The following DPP10 variants were observed in gnomAD, a reference collection of about 807,000 sequenced individuals.
The protein encoded by DPP10 is dipeptidyl peptidase like 10, also known as inactive dipeptidyl peptidase 10.
In DPP10, 33 loss-of-function variants were observed where a neutral mutation model predicts 120.9. The ratio of observed to expected loss-of-function variants is 0.27; its 90% CI spans 0.21 to 0.37. DPP10 has a LOEUF of 0.37. DPP10 is among the 10% of genes least tolerant of loss of function. The probability of loss-of-function intolerance (pLI) is 1.00; values close to 1 mark genes in which losing one functional copy is unlikely to be tolerated. For synonymous variants in DPP10, 337 were observed against 326.1 expected, an observed-to-expected ratio of 1.03 and a Z score of -0.36; for missense variants, 816 against 942.8, an observed-to-expected ratio of 0.87 and a Z score of 1.76.
At chr2:114,931,997 G>A (rs752142798) in intron 1 of DPP10, among the ~76,000 whole-genome samples, 1 of 152,200 alleles carries the variant, frequency 6.6e-6, no homozygotes, top group Non-Finnish European at 1.5e-5. Flanking sequence ...CAACCTTAGA[G>A]TTCATCAGGA....
intron 1 of DPP10, among the ~76,000 whole-genome samples, chr2:114,986,938 AT>A (rs957126005): frequency 2.5e-4 from 38 of 151,364 alleles, no homozygotes; most frequent in African/African-American, 6.3e-4. Flanking sequence ...TGACTGGCTA[AT>A]TTTTTTTTAT....
intron 1 of DPP10, among the ~76,000 whole-genome samples, chr2:115,130,499 TCTATCC>T (rs2050292577): frequency 8.7e-6 from 1 of 115,602 alleles, no homozygotes; most frequent in Non-Finnish European, 1.7e-5. Flanking sequence ...CATCCATCCA[TCTATCC>T]ATCCATCCAT....
intron 1 of DPP10, among the ~76,000 whole-genome samples, chr2:114,846,131 A>C (rs901677476): frequency 6.6e-6 from 1 of 152,156 alleles, no homozygotes; most frequent in East Asian, 1.9e-4. Flanking sequence ...TATCATAGGC[A>C]TAATGTACCT....
chr2:114,687,803 G>A (rs1048324013), intron 1 of DPP10, among the ~76,000 whole-genome samples: 3 of 152,034 alleles, frequency 2.0e-5, no homozygotes, highest in Non-Finnish European at 2.9e-5. Flanking sequence ...TCGTTTTCAC[G>A]GCATAGACTC....
intron 1 of DPP10, among the ~76,000 whole-genome samples, chr2:115,263,673 T>C (rs2059344380): frequency 6.6e-6 from 1 of 152,182 alleles, no homozygotes; most frequent in Non-Finnish European, 1.5e-5. Context: ...TTATCCTCCA[T>C]AAACATTCTA....
intron 7 of DPP10, 57 bp downstream of exon 7, chr2:115,689,978 G>A: frequency 6.5e-7 from 1 of 1,528,492 alleles, no homozygotes; most frequent in Non-Finnish European, 8.9e-7. Context: ...TATGGAAGAT[G>A]TTAACTGAAA....
At chr2:115,289,532 A>C (rs1238370284) in intron 1 of DPP10, among the ~76,000 whole-genome samples, 2 of 151,804 alleles carry the variant, frequency 1.3e-5, no homozygotes, top group Admixed American at 1.3e-4. Flanking sequence ...AAAAGAGCCT[A>C]AATAGCCAAA....
intron 1 of DPP10, among the ~76,000 whole-genome samples, chr2:114,585,117 C>T (rs1690844067): frequency 1.3e-5 from 2 of 152,200 alleles, no homozygotes; most frequent in East Asian, 3.9e-4. Flanking sequence ...TAGCTGGGTT[C>T]TCTCTTCAGC....
At chr2:114,872,722 C>T (rs760467506) in intron 1 of DPP10, among the ~76,000 whole-genome samples, 4 of 152,180 alleles carry the variant, frequency 2.6e-5, no homozygotes, top group Non-Finnish European at 4.4e-5. Context: ...TTTTGGTAAG[C>T]CCACAAGCTA....
chr2:114,675,208 A>C (rs1179331271), intron 1 of DPP10, among the ~76,000 whole-genome samples: 1 of 152,146 alleles, frequency 6.6e-6, no homozygotes, highest in African/African-American at 2.4e-5. Flanking sequence ...GTGGCTTTGT[A>C]TGTGGTTCTT....
chr2:115,755,177 A>G (rs1027951498), intron 11 of DPP10, among the ~76,000 whole-genome samples: 3 of 152,136 alleles, frequency 2.0e-5, no homozygotes, highest in South Asian at 4.1e-4. Context: ...TAAACTGCAT[A>G]TAAATGCATT....
chr2:114,445,024 T>A (rs934047582), intron 1 of DPP10, among the ~76,000 whole-genome samples: 4 of 152,196 alleles, frequency 2.6e-5, no homozygotes, highest in African/African-American at 9.6e-5. Flanking sequence ...TATCTATATT[T>A]AGGTAATGCA....
At chr2:115,708,434 A>T (rs2092207417) in intron 7 of DPP10, among the ~76,000 whole-genome samples, 2 of 152,018 alleles carry the variant, frequency 1.3e-5, no homozygotes, top group African/African-American at 4.8e-5. Context: ...TGCAAAGATC[A>T]TTATATTACA....
intron 8 of DPP10, among the ~76,000 whole-genome samples, chr2:115,733,977 A>G (rs2092972640): frequency 1.3e-5 from 2 of 152,232 alleles, no homozygotes; most frequent in African/African-American, 4.8e-5. Context: ...AAATGTGCCC[A>G]TTAGTTGCAG....
intron 3 of DPP10, among the ~76,000 whole-genome samples, chr2:115,463,347 A>G (rs2074108195): frequency 1.3e-5 from 2 of 152,184 alleles, no homozygotes; most frequent in Non-Finnish European, 2.9e-5. Context: ...TATGTGATTT[A>G]TTTAAGCTGA....
intron 1 of DPP10, among the ~76,000 whole-genome samples, chr2:114,944,067 T>A (rs1209040622): frequency 3.9e-5 from 6 of 152,186 alleles, no homozygotes; most frequent in Non-Finnish European, 8.8e-5. Context: ...TTAGGGTAAT[T>A]TTTTAAAAGT....
Position 115,583,894 on chromosome 2 carries a change from G to A in DPP10, c.441+57922G>A, listed in dbSNP as rs530658132. Among the ~76,000 whole-genome samples, 17 of 152,300 alleles carry A rather than the reference G, an allele frequency of 1.1e-4. No homozygotes were observed. In the South Asian group the frequency reaches 3.3e-3, roughly 30 times the overall value. On this transcript the variant is annotated intron_variant, in intron 5 of 25. Transcript: ENST00000410059. ...TGAGGGTAGTGAAATGTGGAGTGAT[G>A]AGCATTAGAAGATGCTTTTTGCCTC... is the stretch of plus-strand genomic sequence containing the variant.
intron 2 of DPP10, among the ~76,000 whole-genome samples, chr2:115,342,927 G>T (rs1213775230): frequency 6.6e-6 from 1 of 152,266 alleles, no homozygotes; most frequent in African/African-American, 2.4e-5. Context: ...AGCTCTTGCT[G>T]TAACAAGTGC....
chr2:114,977,752 T>G (rs572745778), intron 1 of DPP10, among the ~76,000 whole-genome samples: 1 of 152,344 alleles, frequency 6.6e-6, no homozygotes, highest in South Asian at 2.1e-4. Context: ...ATTCTTAATA[T>G]ATTTCTCTCC....
Sources: allele counts gnomAD v4.1 joint callset (sites outside exome capture counted in the v4.1 genomes callset), GRCh38; gene constraint gnomAD v4.1.1; transcripts MANE v1.5; gene names NCBI Gene and HGNC (gene_info 2026-07-23, HGNC 2026-07-21).